Variants in SPTBN2 observed in about 807,000 individuals in gnomAD.
SPTBN2 encodes the protein spectrin beta, non-erythrocytic 2.
Under a neutral mutation model 284.2 loss-of-function variants are expected in SPTBN2, and 107 were observed. The observed-to-expected ratio is 0.38, with a 90% CI of 0.32 to 0.44. The LOEUF (loss-of-function observed/expected upper bound fraction) is 0.44. SPTBN2 is among the 20% of genes least tolerant of loss of function. SPTBN2 has a pLI of 1.00. For missense variants in SPTBN2, 2,569 were observed against 3,287.1 expected (o/e 0.78, Z 5.34); for synonymous variants, 1,289 against 1,354.8 (o/e 0.95, Z 1.07).
In SPTBN2 at chr11:66,708,042, TTG is replaced by T. The variant is rs570487102; in HGVS notation, c.1350+97_1350+98del. ...GGCCTTTTTACCCAGGTGACGGATTTTGTGTTTCATTGTCTCTCCACCCCGCG... is the reference window on the plus strand; with the variant it reads ...GGCCTTTTTACCCAGGTGACGGATTTTGTTTCATTGTCTCTCCACCCCGCG... On this transcript the variant is annotated intron_variant, in intron 12 of 37. Coordinates refer to ENST00000533211, the MANE Select transcript of SPTBN2 (RefSeq NM_006946.4). This position sits in a 1 kb window ranked among gnomAD's most constrained non-coding sequence, Gnocchi z 4.4. 3.8e-6 allele frequency: 6 copies of T among 1,576,028 alleles called. No individual in the cohort carries two copies. Among genetic ancestry groups the T allele is most frequent in the Non-Finnish European group, 5.2e-6 (6 of 1,149,248 alleles).
chr11:66,731,094 T>C (rs939075963), upstream of SPTBN2, among the ~76,000 whole-genome samples: 1 of 152,220 alleles, frequency 6.6e-6, no homozygotes, highest in East Asian at 1.9e-4. Flanking sequence ...GGCACCATAA[T>C]GTGGGGAACA....
chr11:66,692,677 A>C lies in SPTBN2; in HGVS notation c.5049T>G (p.Ala1683=). Residue 1683 remains alanine (A), a synonymous_variant, in exon 26 of 38, where the codon GCT becomes GCG. Coordinates refer to ENST00000533211, the MANE Select transcript of SPTBN2 (RefSeq NM_006946.4). ...CCTGCAGGCGCTCCCGCCGCTCTCC[A>C]GCCAGCTCCTTCAGGCCGGCATACA... The part of the protein sequence containing the change: ...DKLYAGLKEL[A]GERRERLQEH... 6.2e-7 allele frequency: 1 copy of C among 1,605,494 alleles called. No individual in the cohort carries two copies. The highest frequency in any genetic ancestry group is 1.1e-5 in the South Asian group (1 of 91,090).
chr11:66,715,225 G>A lies in SPTBN2; in HGVS notation c.480C>T (p.Phe160=), dbSNP rs750214514. The A allele has an allele frequency of 6.2e-7, 1 of 1,614,236 alleles. No homozygotes were observed. Among genetic ancestry groups the A allele is most frequent in the Non-Finnish European group, 8.5e-7 (1 of 1,180,052 alleles). ...LGLVWTIILR[F]QIQDISVETE... ...GTGTGACAGTGTGCTGGGGTACCTG[G>A]AATCGAAGGATGATGGTCCAGACCA... Residue 160 remains phenylalanine (F), a synonymous_variant, in exon 5 of 38, where the codon TTC becomes TTT. Coordinates refer to ENST00000533211, the MANE Select transcript of SPTBN2 (RefSeq NM_006946.4). The surrounding 1 kb of genome is among the most constrained non-coding windows in gnomAD (Gnocchi z 5.3).
chr11:66,685,480 A>C lies in SPTBN2; in HGVS notation c.*391T>G. 2 of 288,204 alleles carry C rather than the reference A, an allele frequency of 6.9e-6. No homozygotes were observed. Among genetic ancestry groups the C allele is most frequent in the East Asian group, 9.4e-5 (1 of 10,694 alleles). 17.9% of individuals were successfully genotyped at this position (288,204 alleles called of 1,614,324 possible). On this transcript the variant is annotated 3_prime_UTR_variant, in exon 38 of 38. Transcript: ENST00000533211. The surrounding 1 kb of genome is among the most constrained non-coding windows in gnomAD (Gnocchi z 4.4). ...TCCTGGCTGGTCTGAGGGGTGAGGA[A>C]CCAGAAGGCAGAAGGCGAGTGCCCT...
In SPTBN2 at chr11:66,685,021, G is replaced by A. The variant is rs372404861; in HGVS notation, c.*850C>T. 4.5e-4 allele frequency among the ~76,000 whole-genome samples: 69 copies of A among 152,288 alleles called. No individual in the cohort carries two copies. The highest frequency in any genetic ancestry group is 1.5e-3 in the African/African-American group (61 of 41,558). On this transcript the variant is annotated 3_prime_UTR_variant, in exon 38 of 38. Coordinates refer to ENST00000533211, the MANE Select transcript of SPTBN2 (RefSeq NM_006946.4). This position sits in a 1 kb window ranked among gnomAD's most constrained non-coding sequence, Gnocchi z 4.4. The stretch of plus-strand genomic sequence containing the variant: ...GCTTGTTGACATCATCCCAACCCAT[G>A]GTGAACTACTTTGGTTTAAAAAGAG...
Position 66,693,461 on chromosome 11 carries a change from A to G in SPTBN2, c.4594-15T>C, listed in dbSNP as rs2135361566. 5.6e-6 allele frequency: 9 copies of G among 1,595,740 alleles called. No individual in the cohort carries two copies. In the East Asian group the frequency reaches 1.6e-4, roughly 28 times the overall value. ...TTCTGCAGGGTCTGCCCATGGCCAC[A>G]GAAGAGAAAATGCTGAAAGTCCTGC... On this transcript the variant is annotated splice_polypyrimidine_tract_variant and intron_variant, in intron 23 of 37. Coordinates refer to ENST00000533211, the MANE Select transcript of SPTBN2 (RefSeq NM_006946.4). This position sits in a 1 kb window ranked among gnomAD's most constrained non-coding sequence, Gnocchi z 5.7.
intron 7 of SPTBN2, 122 bp from the exon 8 acceptor site, chr11:66,713,868 C>T (rs1029235844): frequency 1.1e-5 from 10 of 915,502 alleles, no homozygotes; most frequent in African/African-American, 9.7e-5. Context: ...GTAGGCATCC[C>T]AAACCCACAC....
chr11:66,712,454 G>A (rs1379907811), intron 8 of SPTBN2, among the ~76,000 whole-genome samples: 1 of 152,060 alleles, frequency 6.6e-6, no homozygotes, highest in Non-Finnish European at 1.5e-5. Flanking sequence ...GGCTGAGGCA[G>A]GAGAATTGCT....
At chr11:66,701,744 C>T (rs371242352) in intron 15 of SPTBN2, 23 bp from the exon 16 acceptor site, 129 of 1,613,868 alleles carry the variant, frequency 8.0e-5, no homozygotes, top group African/African-American at 6.9e-4. Flanking sequence ...AAGAGCCAGG[C>T]GTGAATTGTG....
chr11:66,731,596 G>A (rs1021851582), upstream of SPTBN2, among the ~76,000 whole-genome samples: 2 of 152,076 alleles, frequency 1.3e-5, no homozygotes, highest in Non-Finnish European at 2.9e-5. Context: ...GCAGCCTCAC[G>A]GCCCTCACTG....
intron 36 of SPTBN2, 78 bp downstream of exon 36, chr11:66,686,916 C>T (rs1435729656): frequency 1.3e-6 from 2 of 1,597,496 alleles, no homozygotes; most frequent in South Asian, 1.1e-5. Flanking sequence ...ACTCCCCTCC[C>T]TCTGGACCTG....
upstream of SPTBN2, among the ~76,000 whole-genome samples, chr11:66,733,621 A>G (rs926447267): frequency 2.6e-5 from 4 of 152,190 alleles, no homozygotes; most frequent in Non-Finnish European, 5.9e-5. Context: ...TGGACTTTAA[A>G]GGGGAGGTCT....
intron 8 of SPTBN2, among the ~76,000 whole-genome samples, chr11:66,712,121 G>C (rs954596110): frequency 1.3e-5 from 2 of 152,234 alleles, no homozygotes; most frequent in East Asian, 3.8e-4. Context: ...ATCTGCCGGA[G>C]GACCTGGGCA....
At chr11:66,738,406 C>T (rs1463599537) in intron 1 of SPTBN2, among the ~76,000 whole-genome samples, 2 of 152,136 alleles carry the variant, frequency 1.3e-5, no homozygotes, top group Non-Finnish European at 2.9e-5. Context: ...CCTTTCAGAC[C>T]TTTGATCCCA....
In SPTBN2 at chr11:66,708,794, A is replaced by G; in HGVS notation, c.1191+108T>C. 3.4e-6 allele frequency: 3 copies of G among 876,206 alleles called. No individual in the cohort carries two copies. The highest frequency in any genetic ancestry group is 5.6e-6 in the Non-Finnish European group (3 of 534,748). 54.3% of individuals were successfully genotyped at this position (876,206 alleles called of 1,614,324 possible). A position where few individuals can be genotyped will look rare whatever the true frequency, so the allele number is the denominator to read the frequency against. On this transcript the variant is annotated intron_variant, in intron 11 of 37. Coordinates refer to ENST00000533211, the MANE Select transcript of SPTBN2 (RefSeq NM_006946.4). The surrounding 1 kb of genome is among the most constrained non-coding windows in gnomAD (Gnocchi z 4.4). ...CTCGAGTTTCAAGTTGGGGCAGCAG[A>G]TAGTAGAACTTGGTGAAGGTCGACA...
rs1939898363 is a variant in SPTBN2, at chr11:66,683,188, C to T, written c.*2683G>A. 6.6e-6 allele frequency among the ~76,000 whole-genome samples: 1 copy of T among 151,548 alleles called. No individual in the cohort carries two copies. The highest frequency in any genetic ancestry group is 2.1e-4 in the South Asian group (1 of 4,808). ...GTTCACGCCATTCTCCTGCCTCAGC[C>T]TCCCAAGTAGCTGGGACTACAGGCG... is the stretch of plus-strand genomic sequence containing the variant. On this transcript the variant is annotated 3_prime_UTR_variant, in exon 38 of 38. Coordinates refer to ENST00000533211, the MANE Select transcript of SPTBN2 (RefSeq NM_006946.4).
Position 66,704,587 on chromosome 11 carries a change from GAGGGGCCTACC to G in SPTBN2, c.2678_2678+10del, listed in dbSNP as rs761899588. 1 of 1,608,662 alleles carries G rather than the reference GAGGGGCCTACC, an allele frequency of 6.2e-7. No homozygotes were observed. The highest frequency in any genetic ancestry group is 1.1e-5 in the South Asian group (1 of 90,248). Reference sequence around the variant, plus strand: ...CCAAGGCTGGTCCCACTAGGAGCCTGAGGGGCCTACCTCTGCTGCACGACCTCCAGGTCCTC... The same window carrying G: ...CCAAGGCTGGTCCCACTAGGAGCCTGTCTGCTGCACGACCTCCAGGTCCTC... On this transcript the variant is annotated splice_donor_variant and splice_donor_5th_base_variant and coding_sequence_variant and intron_variant, in exon 15 of 38. Coordinates refer to ENST00000533211, the MANE Select transcript of SPTBN2 (RefSeq NM_006946.4). LOFTEE classifies it high-confidence loss of function.
rs376979233 is a variant in SPTBN2, at chr11:66,741,425, T to C, written c.-475+3117A>G. ...TAGCCATGATGAACAATGAGTCAAT[T>C]AAAACTCTTTCCTTTATAAATTACC... On this transcript the variant is annotated intron_variant, in intron 1 of 37. Transcript: ENST00000611817. 2.6e-5 allele frequency among the ~76,000 whole-genome samples: 4 copies of C among 152,330 alleles called. No individual in the cohort carries two copies. In the South Asian group the frequency reaches 8.3e-4, roughly 32 times the overall value.
At chr11:66,699,202 G>T in intron 18 of SPTBN2, 120 bp from the exon 19 acceptor site, 1 of 1,370,202 alleles carries the variant, frequency 7.3e-7, no homozygotes, top group Non-Finnish European at 1.0e-6. Context: ...GCACAATGAG[G>T]CTACCCAGGA....
Sources: gnomAD v4.1 joint callset for allele counts (sites outside exome capture counted in the v4.1 genomes callset) on GRCh38, gnomAD v4.1.1 for gene constraint, Gnocchi (gnomAD v3.1) non-coding constraint, MANE v1.5 for transcripts, NCBI Gene and HGNC (gene_info 2026-07-23, HGNC 2026-07-21) for gene names.